The following SHISA6 variants were observed in gnomAD, a reference collection of about 807,000 sequenced individuals.
SHISA6 encodes shisa family member 6.
Under a neutral mutation model 47.9 loss-of-function variants are expected in SHISA6, and 22 were observed. That is an observed-to-expected ratio of 0.46 (90% CI 0.33 to 0.66). The LOEUF (loss-of-function observed/expected upper bound fraction) is 0.66. Among genes scored for constraint, SHISA6 ranks in the 30% least tolerant of loss-of-function variants. The pLI is 0.02. For synonymous variants in SHISA6, 388 were observed against 337.8 expected (o/e 1.15, Z -1.63); for missense variants, 680 against 764.6 (o/e 0.89, Z 1.30).
intron 2 of SHISA6, among the ~76,000 whole-genome samples, chr17:11,377,531 T>A (rs1415684069): frequency 6.6e-6 from 1 of 152,182 alleles, no homozygotes; most frequent in Non-Finnish European, 1.5e-5. Context: ...ATCTTCTGAA[T>A]CAGAAACTCT....
chr17:11,323,574 A>G (rs1447760407), intron 2 of SHISA6, among the ~76,000 whole-genome samples: 1 of 152,016 alleles, frequency 6.6e-6, no homozygotes, highest in Non-Finnish European at 1.5e-5. Context: ...GAATCTCTTG[A>G]ACCCGGGAGG....
At chr17:11,273,001 A>G (rs967015062) in intron 2 of SHISA6, among the ~76,000 whole-genome samples, 1 of 152,194 alleles carries the variant, frequency 6.6e-6, no homozygotes, top group African/African-American at 2.4e-5. Context: ...AGAGAGTGAT[A>G]CGGCTCCCAG....
rs545173185 is a variant in SHISA6, at chr17:11,504,621, A to G, written c.896-47275A>G. Among the ~76,000 whole-genome samples the G allele has an allele frequency of 3.3e-5, 5 of 152,326 alleles. No homozygotes were observed. The South Asian group carries it at 1.0e-3, about 32-fold the overall frequency. ...AAAGAAGTGGGGGGTATTGCAAGAAAAAGGAATGGAAAGTTTATTTACAAC... is the reference window on the plus strand; with the variant it reads ...AAAGAAGTGGGGGGTATTGCAAGAAGAAGGAATGGAAAGTTTATTTACAAC... On this transcript the variant is annotated intron_variant, in intron 3 of 5. Transcript: ENST00000441885.
At chr17:11,378,741 C>G (rs956152997) in intron 2 of SHISA6, among the ~76,000 whole-genome samples, 1 of 152,166 alleles carries the variant, frequency 6.6e-6, no homozygotes, top group Non-Finnish European at 1.5e-5. Flanking sequence ...ATAGTGTCTG[C>G]TGCATAAAGT....
chr17:11,432,096 C>A (rs1380789340), intron 3 of SHISA6, among the ~76,000 whole-genome samples: 1 of 152,116 alleles, frequency 6.6e-6, no homozygotes, highest in African/African-American at 2.4e-5. Flanking sequence ...ATATTGGGTT[C>A]TTCCATGAAA....
chr17:11,244,222 C>T (rs1028647778), intron 1 of SHISA6, among the ~76,000 whole-genome samples: 1 of 152,116 alleles, frequency 6.6e-6, no homozygotes, highest in Non-Finnish European at 1.5e-5. Flanking sequence ...TCAAGTTCAC[C>T]ACCTGATTTT....
chr17:11,435,286 T>G (rs1183357893), intron 3 of SHISA6, among the ~76,000 whole-genome samples: 1 of 152,186 alleles, frequency 6.6e-6, no homozygotes. Context: ...AGGAATCACA[T>G]TTACTTGTAG....
rs1353826233 is a variant in SHISA6 at position 11,379,423 on chromosome 17, G to A, written c.809G>A (p.Gly270Glu). 5 of 1,538,174 alleles carry A rather than the reference G, an allele frequency of 3.3e-6. No individual in the cohort carries two copies. The Admixed American group carries it at 8.2e-5, about 25-fold the overall frequency. The change falls in exon 3 of 6, where the codon GGG becomes GAG. Residue 270 changes from glycine (G) to glutamate (E), a missense_variant. Transcript: ENST00000441885. ...CCCCATCTTCTTGCAGGGCATTATG[G>A]GAAGGATGCTTACCGAAGTGGAGGA... ...RTAKQTPGHY[G>E]KDAYRSGGPD...
chr17:11,516,933 GT>G (rs1218480462), intron 3 of SHISA6, among the ~76,000 whole-genome samples: 1 of 152,194 alleles, frequency 6.6e-6, no homozygotes, highest in African/African-American at 2.4e-5. Flanking sequence ...TCTGGTACAA[GT>G]ATTGTGCGCA....
chr17:11,542,231 T>G (rs2071840125), intron 3 of SHISA6, among the ~76,000 whole-genome samples: 1 of 151,822 alleles, frequency 6.6e-6, no homozygotes, highest in Admixed American at 6.6e-5. Flanking sequence ...ACCCTTGCCT[T>G]CTCATCACAT....
chr17:11,493,511 GCCA>G (rs1275489263), intron 3 of SHISA6, among the ~76,000 whole-genome samples: 1 of 152,170 alleles, frequency 6.6e-6, no homozygotes, highest in African/African-American at 2.4e-5. Flanking sequence ...ACAGGCATGA[GCCA>G]CTGTGCCAGG....
intron 3 of SHISA6, chr17:11,379,857 A>G (rs1319932899): frequency 4.0e-6 from 1 of 246,998 alleles, no homozygotes; most frequent in Non-Finnish European, 7.8e-6. Context: ...CTTGGCTATT[A>G]TTCCTTTTCC....
At position 11,562,414 on chromosome 17, in the gene SHISA6, A is replaced by G. The variant is rs2072053224; in HGVS notation, c.*4110A>G. ...CTGTCATCCTGTCCGAATCTGGGAA[A>G]TTTTGCTCTGGAGTATTTTCAAGAA... On this transcript the variant is annotated 3_prime_UTR_variant, in exon 6 of 6. Coordinates refer to ENST00000441885, the MANE Select transcript of SHISA6 (RefSeq NM_207386.4). 1 of 152,034 alleles carries G rather than the reference A, an allele frequency of 6.6e-6. No individual in the cohort carries two copies. The highest frequency in any genetic ancestry group is 2.4e-5 in the African/African-American group (1 of 41,418). 9.4% of individuals were successfully genotyped at this position (152,034 alleles called of 1,614,324 possible).
Position 11,273,326 on chromosome 17 carries a change from C to T in SHISA6, c.799+9800C>T, listed in dbSNP as rs150675328. Among the ~76,000 whole-genome samples, 270 of 152,326 alleles carry T rather than the reference C, an allele frequency of 1.8e-3. 1 individual carries two copies. The highest frequency in any genetic ancestry group is 6.2e-3 in the African/African-American group (258 of 41,566). Reference sequence around the variant, plus strand: ...CAGCTACGTGAATCCTGTTCTGAAGCCGTGTGTCTACACTTCTCATTTGTC... The same window carrying T: ...CAGCTACGTGAATCCTGTTCTGAAGTCGTGTGTCTACACTTCTCATTTGTC... On this transcript the variant is annotated intron_variant, in intron 2 of 5. Transcript: ENST00000441885.
chr17:11,429,859 TG>T (rs1447107789), intron 3 of SHISA6, among the ~76,000 whole-genome samples: 1 of 139,332 alleles, frequency 7.2e-6, no homozygotes, highest in Non-Finnish European at 1.6e-5. Flanking sequence ...TCATAGGAAT[TG>T]AAAAAAAAAA....
chr17:11,350,182 A>ATTTATTTATTTAT (rs964679787), intron 2 of SHISA6, among the ~76,000 whole-genome samples: 6 of 116,270 alleles, frequency 5.2e-5, no homozygotes, highest in African/African-American at 2.0e-4. Flanking sequence ...TTATTTATTT[A>ATTTATTTATTTAT]TTTTTTTTTT....
chr17:11,403,926 G>A (rs1317196586), intron 3 of SHISA6, among the ~76,000 whole-genome samples: 1 of 152,180 alleles, frequency 6.6e-6, no homozygotes, highest in African/African-American at 2.4e-5. Flanking sequence ...ACAGTTGCTT[G>A]GATGCCCCAT....
At chr17:11,435,129 C>CTCTT (rs58908423) in intron 3 of SHISA6, among the ~76,000 whole-genome samples, 74,499 of 151,562 alleles carry the variant, frequency 0.49, 19,299 homozygotes, top group African/African-American at 0.66. Flanking sequence ...TTCTCTCTCT[C>CTCTT]TCTGTTTCCC....
rs200230465 is a variant in SHISA6, at chr17:11,314,529, A to AT, written c.799+51010dup. Among the ~76,000 whole-genome samples the AT allele has an allele frequency of 6.8e-3, 972 of 143,482 alleles. 20 individuals carry two copies. The highest frequency in any genetic ancestry group is 0.013 in the African/African-American group (514 of 39,310). 94.1% of individuals were successfully genotyped at this position (143,482 alleles called of 152,430 possible). A position where few individuals can be genotyped will look rare whatever the true frequency, so the allele number is the denominator to read the frequency against. The stretch of plus-strand genomic sequence containing the variant: ...TTACGTCATTCCATACTGTTTTTTC[A>AT]TTTTTTTGTTTTTTTTTTTTTTTGA... On this transcript the variant is annotated intron_variant, in intron 2 of 5. Coordinates refer to ENST00000441885, the MANE Select transcript of SHISA6 (RefSeq NM_207386.4).
Sources: allele counts gnomAD v4.1 joint callset (sites outside exome capture counted in the v4.1 genomes callset), GRCh38; gene constraint gnomAD v4.1.1; transcripts MANE v1.5; gene names NCBI Gene and HGNC (gene_info 2026-07-23, HGNC 2026-07-21).